The following BNC2 variants were observed in gnomAD, a reference collection of about 807,000 sequenced individuals.
The protein encoded by BNC2 is basonuclin zinc finger protein 2, also known as zinc finger protein basonuclin-2.
Under a neutral mutation model 76.3 loss-of-function variants are expected in BNC2, and 20 were observed. The observed-to-expected ratio is 0.26, with a 90% CI of 0.18 to 0.38. The LOEUF (loss-of-function observed/expected upper bound fraction) is 0.38, where lower values mean the gene tolerates loss of function less well. BNC2 is among the 10% of genes least tolerant of loss of function. The probability of loss-of-function intolerance (pLI) is 1.00; values close to 1 mark genes in which losing one functional copy is unlikely to be tolerated. For missense variants in BNC2, 1,382 were observed against 1,399.8 expected (o/e 0.99, Z 0.20); for synonymous variants, 582 against 514.8 (o/e 1.13, Z -1.77).
intron 3 of BNC2, chr9:16,665,224 G>C (rs761539175): frequency 2.6e-6 from 1 of 379,132 alleles, no homozygotes; most frequent in East Asian, 7.3e-5. Flanking sequence ...GAAAAAATTA[G>C]CCAGGCATGG....
chr9:16,840,206 C>T (rs1168660849), intron 1 of BNC2, among the ~76,000 whole-genome samples: 1 of 152,156 alleles, frequency 6.6e-6, no homozygotes, highest in African/African-American at 2.4e-5. Context: ...CAGAGCCTAT[C>T]TGCAATGTTT....
intron 5 of BNC2, among the ~76,000 whole-genome samples, chr9:16,505,445 T>A (rs1008634284): frequency 6.6e-6 from 1 of 152,114 alleles, no homozygotes; most frequent in Non-Finnish European, 1.5e-5. Context: ...TGAAAACACA[T>A]AACTTTGATA....
At chr9:16,720,178 C>G (rs972282293) in intron 3 of BNC2, among the ~76,000 whole-genome samples, 3 of 152,170 alleles carry the variant, frequency 2.0e-5, no homozygotes, top group Non-Finnish European at 4.4e-5. Context: ...GAGGACCACA[C>G]CTGAGGGTGG....
chr9:16,635,456 C>T (rs940365113), intron 3 of BNC2, among the ~76,000 whole-genome samples: 2 of 152,100 alleles, frequency 1.3e-5, no homozygotes, highest in Non-Finnish European at 2.9e-5. Flanking sequence ...TTTTATAATA[C>T]TTTTGAATAC....
At chr9:16,647,420 C>G (rs1033559505) in intron 3 of BNC2, among the ~76,000 whole-genome samples, 1 of 152,092 alleles carries the variant, frequency 6.6e-6, no homozygotes, top group Admixed American at 6.6e-5. Flanking sequence ...CAGACTTTGA[C>G]AGAGGCCGAC....
intron 5 of BNC2, among the ~76,000 whole-genome samples, chr9:16,478,142 C>T (rs779079864): frequency 1.3e-5 from 2 of 152,136 alleles, no homozygotes; most frequent in Non-Finnish European, 2.9e-5. Flanking sequence ...CTGAAATCTG[C>T]CTTCGTATAA....
intron 3 of BNC2, among the ~76,000 whole-genome samples, chr9:16,666,551 A>G (rs1822297525): frequency 6.6e-6 from 1 of 152,224 alleles, no homozygotes; most frequent in Non-Finnish European, 1.5e-5. Context: ...ACAACACAGT[A>G]AACAACATCT....
chr9:16,717,620 T>C (rs1371297293), intron 3 of BNC2, among the ~76,000 whole-genome samples: 2 of 152,210 alleles, frequency 1.3e-5, no homozygotes, highest in African/African-American at 4.8e-5. Context: ...AATTTTTGTT[T>C]CTACTTAATT....
intron 3 of BNC2, among the ~76,000 whole-genome samples, chr9:16,605,472 G>A (rs951024492): frequency 1.3e-5 from 2 of 152,150 alleles, no homozygotes; most frequent in Non-Finnish European, 2.9e-5. Flanking sequence ...CAGGACTTCC[G>A]ATCAACTTCA....
Position 16,414,231 on chromosome 9 carries a change from G to A in BNC2, c.*4758C>T, listed in dbSNP as rs1027686086. ...CGATCAATACGCTCTCACCCACTGC[G>A]AGGCAGAGCTATGCCAGTCTTTTCT... On this transcript the variant is annotated 3_prime_UTR_variant, in exon 7 of 7. Coordinates refer to ENST00000380672, the MANE Select transcript of BNC2 (RefSeq NM_017637.6). 4 of 152,110 alleles carry A rather than the reference G, an allele frequency of 2.6e-5. No individual in the cohort carries two copies. The highest frequency in any genetic ancestry group is 2.0e-4 in the Admixed American group (3 of 15,266). The allele number at this position is 152,110 out of a possible 1,614,324, so 9.4% of individuals were successfully genotyped here. A position where few individuals can be genotyped will look rare whatever the true frequency, so the allele number is the denominator to read the frequency against.
In BNC2 at chr9:16,746,678, C is replaced by T. The variant is rs149401606; in HGVS notation, c.4-8193G>A. On this transcript the variant is annotated intron_variant, in intron 1 of 6. Transcript: ENST00000380672. The stretch of plus-strand genomic sequence containing the variant: ...CCGCGCCTGGCCTAAACTTAAAATT[C>T]GGCCAGGGGCAGTGTGGCTCAGGCC... Among the ~76,000 whole-genome samples the T allele has an allele frequency of 3.7e-3, 555 of 150,788 alleles. 5 individuals carry two copies. Among genetic ancestry groups the T allele is most frequent in the African/African-American group, 0.013 (525 of 41,284 alleles).
At chr9:16,462,052 CA>C (rs2131249749) in intron 5 of BNC2, among the ~76,000 whole-genome samples, 1 of 152,308 alleles carries the variant, frequency 6.6e-6, no homozygotes, top group Non-Finnish European at 1.5e-5. Flanking sequence ...GCCTGCCTTT[CA>C]TCACATGCAG....
At chr9:16,710,649 T>G (rs1245956484) in intron 3 of BNC2, among the ~76,000 whole-genome samples, 1 of 152,162 alleles carries the variant, frequency 6.6e-6, no homozygotes, top group Non-Finnish European at 1.5e-5. Flanking sequence ...TCCCCAGTTT[T>G]TGCATGAATT....
At chr9:16,832,433 G>C (rs1478523113) in intron 1 of BNC2, 1 of 431,054 alleles carries the variant, frequency 2.3e-6, no homozygotes, top group Non-Finnish European at 3.6e-6. Context: ...ATAGCTACAA[G>C]ACTTGATCTG....
intron 1 of BNC2, among the ~76,000 whole-genome samples, chr9:16,795,324 G>A (rs919500828): frequency 7.3e-5 from 11 of 151,026 alleles, no homozygotes; most frequent in African/African-American, 2.4e-4. Flanking sequence ...CAATCTGCAC[G>A]CCTCTACACA....
chr9:16,618,699 G>A (rs983065621), intron 3 of BNC2, among the ~76,000 whole-genome samples: 6 of 152,154 alleles, frequency 3.9e-5, no homozygotes, highest in Non-Finnish European at 7.4e-5. Flanking sequence ...CTTTCCACAT[G>A]AGCCTTGATT....
intron 3 of BNC2, among the ~76,000 whole-genome samples, chr9:16,647,192 C>A (rs993401881): frequency 1.3e-5 from 2 of 152,068 alleles, no homozygotes; most frequent in African/African-American, 2.4e-5. Flanking sequence ...GAGATTTGGG[C>A]ACAGCACATG....
chr9:16,544,929 A>G (rs548970638), intron 5 of BNC2, among the ~76,000 whole-genome samples: 1 of 152,296 alleles, frequency 6.6e-6, no homozygotes, highest in African/African-American at 2.4e-5. Flanking sequence ...ATTGCACTAC[A>G]TACTTTTAAA....
At chr9:16,809,448 G>A (rs375311910) in intron 1 of BNC2, among the ~76,000 whole-genome samples, 209 of 152,056 alleles carry the variant, frequency 1.4e-3, no homozygotes, top group African/African-American at 4.7e-3. Context: ...GAACTCTCTC[G>A]GTCCAGTTTT....
Sources: gnomAD v4.1 joint callset for allele counts (sites outside exome capture counted in the v4.1 genomes callset) on GRCh38, gnomAD v4.1.1 for gene constraint, MANE v1.5 for transcripts, NCBI Gene and HGNC (gene_info 2026-07-23, HGNC 2026-07-21) for gene names.